Variants in ADORA2B observed in about 807,000 individuals in gnomAD.
The protein encoded by ADORA2B is adenosine receptor A2b.
ADORA2B carries 18 observed loss-of-function variants against 20.8 expected under a neutral mutation model. The ratio of observed to expected loss-of-function variants is 0.87; its 90% CI spans 0.60 to 1.29. The LOEUF is 1.29. Among genes scored for constraint, ADORA2B ranks in the 50% most tolerant of loss-of-function variants. The pLI, the probability that ADORA2B is intolerant of heterozygous loss-of-function variation, is 0.00. For missense variants in ADORA2B, 441 were observed against 422.7 expected, an observed-to-expected ratio of 1.04 and a Z score of -0.38; for synonymous variants, 179 against 178.3, an observed-to-expected ratio of 1.00 and a Z score of -0.03.
the ADORA2B span, among the ~76,000 whole-genome samples, chr17:15,923,206 A>ATTTTTTTTTTT: frequency 5.3e-5 from 6 of 113,526 alleles, no homozygotes; most frequent in East Asian, 2.5e-4. Context: ...TCTTTTTTTA[A>ATTTTTTTTTTT]TTTTTTTTTT....
chr17:15,883,756 C>A, the ADORA2B span, among the ~76,000 whole-genome samples: 2 of 152,178 alleles, frequency 1.3e-5, no homozygotes, highest in Non-Finnish European at 2.9e-5. Flanking sequence ...AAATGAATTC[C>A]ACCTGTGTGT....
chr17:15,909,693 G>A, the ADORA2B span, among the ~76,000 whole-genome samples: 3 of 152,220 alleles, frequency 2.0e-5, no homozygotes, highest in African/African-American at 7.2e-5. Flanking sequence ...GGGTTCAGCA[G>A]GCTGAGGGTG....
chr17:15,921,138 C>G, the ADORA2B span, among the ~76,000 whole-genome samples: 1 of 151,820 alleles, frequency 6.6e-6, no homozygotes. Context: ...GGATTTCTCC[C>G]CTGCTTCAGA....
the ADORA2B span, among the ~76,000 whole-genome samples, chr17:15,891,034 A>G: frequency 6.6e-6 from 1 of 152,240 alleles, no homozygotes; most frequent in Non-Finnish European, 1.5e-5. Context: ...TGGGAGGCCA[A>G]GGCAGGCAGA....
intron 1 of ADORA2B, among the ~76,000 whole-genome samples, chr17:15,955,687 C>T (rs1275115271): frequency 3.3e-5 from 5 of 149,970 alleles, no homozygotes; most frequent in Non-Finnish European, 5.9e-5. Flanking sequence ...GGACCACAGG[C>T]GTGAGCCACC....
intron 1 of ADORA2B, among the ~76,000 whole-genome samples, chr17:15,968,724 T>C (rs1481453999): frequency 1.3e-5 from 2 of 152,202 alleles, no homozygotes; most frequent in African/African-American, 4.8e-5. Context: ...AGGCACATCA[T>C]GTAGCCTTTC....
intron 1 of ADORA2B, among the ~76,000 whole-genome samples, chr17:15,951,146 G>A (rs948756223): frequency 6.6e-6 from 1 of 152,224 alleles, no homozygotes; most frequent in Non-Finnish European, 1.5e-5. Flanking sequence ...AGGGCCCAAG[G>A]GCTCTGTGAA....
At chr17:15,856,645 G>A in the ADORA2B span, among the ~76,000 whole-genome samples, 1 of 152,226 alleles carries the variant, frequency 6.6e-6, no homozygotes, top group South Asian at 2.1e-4. Flanking sequence ...ATGAAGTCCA[G>A]GGTGAGGTGG....
chr17:15,895,903 C>T, the ADORA2B span, among the ~76,000 whole-genome samples: 2 of 152,246 alleles, frequency 1.3e-5, no homozygotes, highest in East Asian at 1.9e-4. Context: ...GTGTTAGTAC[C>T]AAGACCCCTG....
upstream of ADORA2B, among the ~76,000 whole-genome samples, chr17:15,944,639 C>G (rs1279199342): frequency 6.6e-6 from 1 of 152,086 alleles, no homozygotes; most frequent in East Asian, 1.9e-4. This position sits in a 1 kb window ranked among gnomAD's most constrained non-coding sequence, Gnocchi z 4.8. Flanking sequence ...GGTGGTGCTG[C>G]GCTGCCCGAG....
chr17:15,876,569 A>G, the ADORA2B span, among the ~76,000 whole-genome samples: 437 of 147,132 alleles, frequency 3.0e-3, 1 homozygote, highest in Non-Finnish European at 4.8e-3. Context: ...CTTTTTCTGG[A>G]ACTCCCTTTA....
the ADORA2B span, among the ~76,000 whole-genome samples, chr17:15,930,678 G>A: frequency 3.3e-5 from 5 of 152,266 alleles, no homozygotes; most frequent in South Asian, 2.1e-4. Context: ...GATTTGCATC[G>A]GGTGGAGCAG....
the ADORA2B span, among the ~76,000 whole-genome samples, chr17:15,891,807 G>C: frequency 6.7e-6 from 1 of 148,584 alleles, no homozygotes; most frequent in African/African-American, 2.5e-5. Context: ...TCAGCCTCCT[G>C]AGTAGCTGGG....
the ADORA2B span, among the ~76,000 whole-genome samples, chr17:15,917,800 G>A: frequency 6.6e-6 from 1 of 152,186 alleles, no homozygotes. Flanking sequence ...GCAGGGGCGC[G>A]CAGTCACCGC....
chr17:15,963,142 G>A (rs1379714424), intron 1 of ADORA2B, among the ~76,000 whole-genome samples: 1 of 152,090 alleles, frequency 6.6e-6, no homozygotes, highest in Non-Finnish European at 1.5e-5. Flanking sequence ...AAGAACTCTT[G>A]CTTATAATAC....
chr17:15,917,526 G>C, the ADORA2B span, among the ~76,000 whole-genome samples: 1 of 152,220 alleles, frequency 6.6e-6, no homozygotes, highest in East Asian at 1.9e-4. Context: ...GGGGTCTGAC[G>C]CCCGAGGACC....
the ADORA2B span, among the ~76,000 whole-genome samples, chr17:15,900,375 A>G: frequency 2.6e-5 from 4 of 152,156 alleles, no homozygotes; most frequent in Admixed American, 6.5e-5. Flanking sequence ...ATTCCCACCA[A>G]CAGGGTATAA....
chr17:15,899,371 A>G, the ADORA2B span, among the ~76,000 whole-genome samples: 2 of 152,248 alleles, frequency 1.3e-5, no homozygotes, highest in East Asian at 3.8e-4. Context: ...TCTTATATGT[A>G]TATATTCAAG....
the ADORA2B span, among the ~76,000 whole-genome samples, chr17:15,891,415 C>T: frequency 6.6e-6 from 1 of 152,242 alleles, no homozygotes; most frequent in Non-Finnish European, 1.5e-5. Context: ...TGTGCGTTTG[C>T]TTTGTATTCT....
Sources: gnomAD v4.1 joint callset for allele counts (sites outside exome capture counted in the v4.1 genomes callset) on GRCh38, gnomAD v4.1.1 for gene constraint, Gnocchi (gnomAD v3.1) non-coding constraint, MANE v1.5 for transcripts, NCBI Gene and HGNC (gene_info 2026-07-23, HGNC 2026-07-21) for gene names.